ASCC3: variants seen among roughly 807,000 people sequenced by gnomAD.
The protein encoded by ASCC3 is ASC-1 complex subunit P200.
A neutral mutation model predicts 256.3 loss-of-function variants in ASCC3; 158 were observed. That is an observed-to-expected ratio of 0.62 (90% CI 0.54 to 0.70). The LOEUF (loss-of-function observed/expected upper bound fraction) is 0.70, where lower values mean the gene tolerates loss of function less well. ASCC3 is among the 30% of genes least tolerant of loss of function. The probability of loss-of-function intolerance (pLI) is 0.00; values close to 1 mark genes in which losing one functional copy is unlikely to be tolerated. For synonymous variants in ASCC3, 948 were observed against 883.4 expected (o/e 1.07, Z -1.30); for missense variants, 2,259 against 2,626.0 (o/e 0.86, Z 3.05).
At chr6:100,863,911 C>A (rs112721548) in intron 3 of ASCC3, among the ~76,000 whole-genome samples, 153 bp downstream of exon 3, 1 of 152,060 alleles carries the variant, frequency 6.6e-6, no homozygotes, top group African/African-American at 2.4e-5. Flanking sequence ...GCATGAGCCA[C>A]CGCGCCTGGC....
chr6:100,527,955 C>CCT (rs1018345117), intron 37 of ASCC3, among the ~76,000 whole-genome samples: 1 of 151,682 alleles, frequency 6.6e-6, no homozygotes, highest in Non-Finnish European at 1.5e-5. Context: ...TCCTCCTTAG[C>CCT]CTCCCAAGCA....
At chr6:100,649,051 A>G (rs1775530084) in intron 20 of ASCC3, among the ~76,000 whole-genome samples, 1 of 151,816 alleles carries the variant, frequency 6.6e-6, no homozygotes, top group Non-Finnish European at 1.5e-5. Flanking sequence ...TTGTTCAATT[A>G]CTGATAGCTT....
chr6:100,585,542 A>G (rs1056206269), intron 36 of ASCC3, among the ~76,000 whole-genome samples: 8 of 152,046 alleles, frequency 5.3e-5, no homozygotes, highest in Non-Finnish European at 1.2e-4. Context: ...CCTGTAGCTC[A>G]GAATAGTTTG....
chr6:100,862,970 C>T (rs1290322573), intron 3 of ASCC3, among the ~76,000 whole-genome samples: 2 of 152,058 alleles, frequency 1.3e-5, no homozygotes, highest in African/African-American at 4.8e-5. Flanking sequence ...AGGTACTAGC[C>T]TGGTAGGTTT....
chr6:100,643,853 T>C (rs975822688), intron 23 of ASCC3, among the ~76,000 whole-genome samples, 178 bp downstream of exon 23: 3 of 152,160 alleles, frequency 2.0e-5, no homozygotes, highest in Non-Finnish European at 4.4e-5. Context: ...CATGATCACA[T>C]TGAATATACC....
At chr6:100,724,620 G>A (rs1315824097) in intron 11 of ASCC3, among the ~76,000 whole-genome samples, 4 of 152,026 alleles carry the variant, frequency 2.6e-5, no homozygotes, top group African/African-American at 7.2e-5. Flanking sequence ...CGAGTAAGGG[G>A]TGGAATGAAG....
At chr6:100,826,991 A>AT (rs1771347526) in intron 4 of ASCC3, among the ~76,000 whole-genome samples, 1 of 152,224 alleles carries the variant, frequency 6.6e-6, no homozygotes, top group African/African-American at 2.4e-5. Context: ...ATCAACAGCC[A>AT]TATGTGGCTA....
chr6:100,536,486 A>G (rs1775168775), intron 37 of ASCC3, among the ~76,000 whole-genome samples: 1 of 152,094 alleles, frequency 6.6e-6, no homozygotes, highest in Non-Finnish European at 1.5e-5. Flanking sequence ...AAGCACCCAG[A>G]TTTTCTATTT....
chr6:100,518,428 A>AT (rs1253137418), intron 37 of ASCC3, among the ~76,000 whole-genome samples: 1 of 152,158 alleles, frequency 6.6e-6, no homozygotes, highest in African/African-American at 2.4e-5. Flanking sequence ...TAAAACAAAG[A>AT]TAAAAACTCA....
chr6:100,694,282 C>A (rs1777972996), intron 13 of ASCC3, among the ~76,000 whole-genome samples: 2 of 146,622 alleles, frequency 1.4e-5, no homozygotes, highest in South Asian at 4.4e-4. Flanking sequence ...GCCTGGGCAA[C>A]AAAGGGAGAC....
chr6:100,758,029 A>G (rs1201098583), intron 10 of ASCC3, among the ~76,000 whole-genome samples: 1 of 152,164 alleles, frequency 6.6e-6, no homozygotes, highest in Admixed American at 6.5e-5. Flanking sequence ...GGGTGGGAAC[A>G]TGTGTAAAAA....
At chr6:100,832,688 T>C (rs952215226) in intron 4 of ASCC3, among the ~76,000 whole-genome samples, 1 of 152,002 alleles carries the variant, frequency 6.6e-6, no homozygotes, top group Non-Finnish European at 1.5e-5. Context: ...TTTAAGAGTA[T>C]GCACCAGACG....
intron 25 of ASCC3, among the ~76,000 whole-genome samples, chr6:100,637,044 T>C (rs534197432): frequency 6.6e-6 from 1 of 152,322 alleles, no homozygotes; most frequent in Admixed American, 6.5e-5. Flanking sequence ...AGAGTTTTAA[T>C]GTATACAAAA....
At chr6:100,743,802 A>G (rs1430536032) in intron 10 of ASCC3, among the ~76,000 whole-genome samples, 1 of 152,286 alleles carries the variant, frequency 6.6e-6, no homozygotes, top group Non-Finnish European at 1.5e-5. Flanking sequence ...TCCCTACAAT[A>G]CAAGATGAAA....
intron 13 of ASCC3, among the ~76,000 whole-genome samples, chr6:100,701,466 AC>A (rs1337177306): frequency 2.0e-5 from 3 of 151,938 alleles, no homozygotes; most frequent in African/African-American, 7.3e-5. Context: ...AGTGCATAAA[AC>A]CTCTTCCTTG....
At chr6:100,723,173 T>C (rs991424737) in intron 11 of ASCC3, among the ~76,000 whole-genome samples, 1 of 151,686 alleles carries the variant, frequency 6.6e-6, no homozygotes, top group African/African-American at 2.4e-5. Context: ...TTCTCAATAA[T>C]TTTTTCTACT....
chr6:100,808,101 C>A (rs1211047790), intron 4 of ASCC3, among the ~76,000 whole-genome samples: 1 of 151,842 alleles, frequency 6.6e-6, no homozygotes, highest in Non-Finnish European at 1.5e-5. Flanking sequence ...ACTGTATCCA[C>A]CACTGTAAAT....
intron 36 of ASCC3, among the ~76,000 whole-genome samples, chr6:100,558,769 C>A (rs934447182): frequency 3.3e-5 from 5 of 152,144 alleles, no homozygotes; most frequent in African/African-American, 9.6e-5. Context: ...CTTAACTCCT[C>A]AGTTATTTAT....
intron 10 of ASCC3, among the ~76,000 whole-genome samples, chr6:100,748,818 G>T (rs1780803195): frequency 6.6e-6 from 1 of 151,998 alleles, no homozygotes; most frequent in Admixed American, 6.6e-5. Context: ...AAAAAGAAGA[G>T]TTCTACCTGG....
Sources: gnomAD v4.1 joint callset for allele counts (sites outside exome capture counted in the v4.1 genomes callset) on GRCh38, gnomAD v4.1.1 for gene constraint, MANE v1.5 for transcripts, NCBI Gene and HGNC (gene_info 2026-07-23, HGNC 2026-07-21) for gene names.